Variants in SMCO4 observed in about 807,000 individuals in gnomAD.
The protein encoded by SMCO4 is single-pass membrane and coiled-coil domain-containing protein 4.
A neutral mutation model predicts 3.6 loss-of-function variants in SMCO4; 4 were observed. The ratio of observed to expected loss-of-function variants is 1.11; its 90% CI spans 0.54 to 2.53. The LOEUF (loss-of-function observed/expected upper bound fraction) is 2.53, where lower values mean the gene tolerates loss of function less well. SMCO4 is among the 30% of genes most tolerant of loss of function. The probability of loss-of-function intolerance (pLI) is 0.02; values close to 1 mark genes in which losing one functional copy is unlikely to be tolerated. For synonymous variants in SMCO4, 36 were observed against 35.3 expected, an observed-to-expected ratio of 1.02 and a Z score of -0.07; for missense variants, 70 against 80.8, an observed-to-expected ratio of 0.87 and a Z score of 0.51.
At chr11:93,487,843 G>C (rs527998496) in intron 2 of SMCO4, among the ~76,000 whole-genome samples, 2 of 152,376 alleles carry the variant, frequency 1.3e-5, no homozygotes, top group Admixed American at 6.5e-5. Flanking sequence ...TCCTGGGCAA[G>C]TAACTTAACC....
chr11:93,505,854 GC>G (rs1591314186), intron 1 of SMCO4, among the ~76,000 whole-genome samples: 1 of 123,404 alleles, frequency 8.1e-6, no homozygotes, highest in African/African-American at 3.5e-5. Flanking sequence ...TTAAGCCCTT[GC>G]AATGATGATG....
intron 2 of SMCO4, among the ~76,000 whole-genome samples, chr11:93,488,700 T>G (rs1304453761): frequency 6.6e-6 from 1 of 151,792 alleles, no homozygotes; most frequent in Admixed American, 6.6e-5. Context: ...AGTAGAGGCA[T>G]GAAAAGGCAG....
chr11:93,530,248 G>A (rs1049004187), intron 1 of SMCO4, among the ~76,000 whole-genome samples: 5 of 152,166 alleles, frequency 3.3e-5, no homozygotes, highest in African/African-American at 7.2e-5. Flanking sequence ...CAGTTCACAC[G>A]TGTGAGGCCC....
intron 2 of SMCO4, among the ~76,000 whole-genome samples, chr11:93,486,972 G>A (rs1402521962): frequency 6.6e-6 from 1 of 152,148 alleles, no homozygotes; most frequent in Non-Finnish European, 1.5e-5. Context: ...TAAACAACAC[G>A]AGAAGGGTAT....
At chr11:93,549,461 T>G in the SMCO4 span, among the ~76,000 whole-genome samples, 3 of 151,762 alleles carry the variant, frequency 2.0e-5, no homozygotes, top group African/African-American at 4.8e-5. Context: ...TAAAAAAAAT[T>G]TTTTTGAGTC....
rs114445138 is a variant in SMCO4, at chr11:93,519,112, G to T, written c.-153-19764C>A. ...TAGCCTGGGACCAAGGGAAAGATACGAAAGCATCAGAACCAACCCAGGGTG... is the reference window on the plus strand; with the variant it reads ...TAGCCTGGGACCAAGGGAAAGATACTAAAGCATCAGAACCAACCCAGGGTG... On this transcript the variant is annotated intron_variant, in intron 1 of 2. Coordinates refer to ENST00000298966, the MANE Select transcript of SMCO4 (RefSeq NM_020179.3). 6.0e-3 allele frequency among the ~76,000 whole-genome samples: 921 copies of T among 152,258 alleles called. 8 individuals carry two copies. Among genetic ancestry groups the T allele is most frequent in the African/African-American group, 0.02 (840 of 41,534 alleles).
chr11:93,534,401 T>TCC (rs1949199842), intron 1 of SMCO4, among the ~76,000 whole-genome samples: 1 of 134,796 alleles, frequency 7.4e-6, no homozygotes, highest in Non-Finnish European at 1.7e-5. Context: ...GAGAGATACA[T>TCC]ATATATATGG....
At chr11:93,514,665 AGAG>A (rs1386818084) in intron 1 of SMCO4, among the ~76,000 whole-genome samples, 1 of 152,090 alleles carries the variant, frequency 6.6e-6, no homozygotes, top group African/African-American at 2.4e-5. Context: ...CCCCTTGCAC[AGAG>A]GAGGCACTCA....
intron 2 of SMCO4, among the ~76,000 whole-genome samples, chr11:93,485,885 T>C (rs899496115): frequency 1.3e-5 from 2 of 152,184 alleles, no homozygotes; most frequent in African/African-American, 4.8e-5. Context: ...ATGATGAAAC[T>C]GGGATTCAGT....
chr11:93,491,812 C>T (rs975760352), intron 2 of SMCO4, among the ~76,000 whole-genome samples: 1 of 152,202 alleles, frequency 6.6e-6, no homozygotes, highest in South Asian at 2.1e-4. Flanking sequence ...AACACAACTT[C>T]GCCAGAACTT....
At chr11:93,483,484 T>C (rs1014783141) in intron 2 of SMCO4, among the ~76,000 whole-genome samples, 1 of 152,138 alleles carries the variant, frequency 6.6e-6, no homozygotes, top group Non-Finnish European at 1.5e-5. Context: ...AATCACACAG[T>C]TGTAGTCACC....
intron 1 of SMCO4, among the ~76,000 whole-genome samples, chr11:93,529,871 TAAG>T (rs1481996770): frequency 6.6e-6 from 1 of 152,086 alleles, no homozygotes; most frequent in Non-Finnish European, 1.5e-5. Context: ...TTATGACAAA[TAAG>T]AACAACAATG....
At chr11:93,506,502 G>A (rs998636841) in intron 1 of SMCO4, among the ~76,000 whole-genome samples, 4 of 149,936 alleles carry the variant, frequency 2.7e-5, no homozygotes, top group African/African-American at 4.9e-5. Context: ...ACAGTGGCAC[G>A]ATCTCGGCTC....
intron 1 of SMCO4, among the ~76,000 whole-genome samples, chr11:93,515,211 G>A (rs1346083861): frequency 3.3e-5 from 5 of 152,314 alleles, no homozygotes; most frequent in Middle Eastern, 3.4e-3. Flanking sequence ...GCAACTCTGT[G>A]ATTTTAAAAA....
chr11:93,523,671 A>G (rs1949080651), intron 1 of SMCO4, among the ~76,000 whole-genome samples: 1 of 152,236 alleles, frequency 6.6e-6, no homozygotes, highest in African/African-American at 2.4e-5. Context: ...ATGAGACCAG[A>G]AAACCTCAAA....
chr11:93,535,463 G>T (rs1040768951), intron 1 of SMCO4: 8 of 1,378,128 alleles, frequency 5.8e-6, no homozygotes, highest in African/African-American at 2.8e-5. Context: ...AGCCAGAGTC[G>T]CCGCGATGGT....
At position 93,479,115 on chromosome 11, in the gene SMCO4, C is replaced by A; in HGVS notation, c.75G>T (p.Glu25Asp). The A allele has an allele frequency of 6.2e-7, 1 of 1,614,142 alleles. No individual in the cohort carries two copies. The highest frequency in any genetic ancestry group is 8.5e-7 in the Non-Finnish European group (1 of 1,180,048). ...DKKERKQAMQ[E>D]ARQQITTVVL... is the part of the protein sequence containing the mutation. ...CCACTGTAGTGATCTGCTGCCGGGC[C>A]TCCTGCATGGCTTGCTTCCGCTCCT... is the stretch of plus-strand genomic sequence containing the variant. The change falls in exon 3 of 3, where the codon GAG becomes GAT. Residue 25 changes from glutamate to aspartate, a missense_variant. Physicochemically the swap from Glu to Asp is conservative, Grantham distance 45. Coordinates refer to ENST00000298966, the MANE Select transcript of SMCO4 (RefSeq NM_020179.3).
chr11:93,516,115 T>C (rs1949005562), intron 1 of SMCO4, among the ~76,000 whole-genome samples: 2 of 152,174 alleles, frequency 1.3e-5, no homozygotes, highest in South Asian at 4.1e-4. Context: ...CATAATAAAT[T>C]ATCCCTTTTA....
chr11:93,518,914 G>A (rs12417512), intron 1 of SMCO4, among the ~76,000 whole-genome samples: 5,369 of 152,252 alleles, frequency 0.035, 247 homozygotes, highest in East Asian at 0.14. Flanking sequence ...CTGAATTCCC[G>A]CCCTGGTTCT....
Sources: allele counts gnomAD v4.1 joint callset (sites outside exome capture counted in the v4.1 genomes callset), GRCh38; gene constraint gnomAD v4.1.1; transcripts MANE v1.5; gene names NCBI Gene and HGNC (gene_info 2026-07-23, HGNC 2026-07-21).